RBFOX1: variants seen among roughly 807,000 people sequenced by gnomAD.
The protein encoded by RBFOX1 is RNA binding fox-1 homolog 1, also known as RNA binding protein fox-1 homolog 1.
A neutral mutation model predicts 57.7 loss-of-function variants in RBFOX1; 8 were observed. The ratio of observed to expected loss-of-function variants is 0.14; its 90% CI spans 0.08 to 0.25. RBFOX1 has a LOEUF of 0.25. RBFOX1 is among the 10% of genes least tolerant of loss of function. The pLI, the probability that RBFOX1 is intolerant of heterozygous loss-of-function variation, is 1.00. For missense variants in RBFOX1, 611 were observed against 548.5 expected, an observed-to-expected ratio of 1.11 and a Z score of -1.14; for synonymous variants, 326 against 222.4, an observed-to-expected ratio of 1.47 and a Z score of -4.15.
chr16:7,522,351 A>T (rs1434964810), intron 5 of RBFOX1, among the ~76,000 whole-genome samples: 3 of 152,218 alleles, frequency 2.0e-5, no homozygotes, highest in African/African-American at 2.4e-5. Context: ...TGAGTAAGAC[A>T]TCAATGGGAT....
At chr16:5,322,773 G>T (rs767075693) in intron 1 of RBFOX1, among the ~76,000 whole-genome samples, 11 of 152,162 alleles carry the variant, frequency 7.2e-5, no homozygotes, top group African/African-American at 2.2e-4. Context: ...GTGAAAAATA[G>T]AAGGTTTCAG....
intron 2 of RBFOX1, among the ~76,000 whole-genome samples, chr16:6,641,734 CAAAAAAAAAAAAAAAAAAAAAAA>C (rs869202831): frequency 0.014 from 966 of 68,810 alleles, 30 homozygotes; most frequent in African/African-American, 0.058. Flanking sequence ...GACTCCGTCT[CAAAAAAAAAAAAAAAAAAAAAAA>C]AAAAAAAAAA....
chr16:5,523,001 G>A (rs1436410080), intron 2 of RBFOX1, among the ~76,000 whole-genome samples: 1 of 152,110 alleles, frequency 6.6e-6, no homozygotes, highest in Non-Finnish European at 1.5e-5. Context: ...CAAAATCATG[G>A]TGGGGGCTGG....
intron 1 of RBFOX1, among the ~76,000 whole-genome samples, chr16:6,284,768 T>C (rs757804353): frequency 1.1e-4 from 17 of 152,160 alleles, no homozygotes; most frequent in Non-Finnish European, 2.2e-4. Flanking sequence ...TTCTCAGTCA[T>C]TGGTATTCAG....
At chr16:6,994,588 A>G (rs1232904798) in intron 3 of RBFOX1, among the ~76,000 whole-genome samples, 2 of 152,204 alleles carry the variant, frequency 1.3e-5, no homozygotes, top group Non-Finnish European at 2.9e-5. Flanking sequence ...GTCCAGCACC[A>G]GGAAGAATGA....
At chr16:7,275,391 T>C (rs989114921) in intron 4 of RBFOX1, among the ~76,000 whole-genome samples, 45 of 152,248 alleles carry the variant, frequency 3.0e-4, no homozygotes, top group African/African-American at 1.0e-3. Flanking sequence ...TGATACTTCA[T>C]CATTCATTCA....
At chr16:6,030,348 C>T (rs1486393591) in intron 1 of RBFOX1, among the ~76,000 whole-genome samples, 2 of 152,176 alleles carry the variant, frequency 1.3e-5, no homozygotes, top group African/African-American at 2.4e-5. Flanking sequence ...AGTGGAATAC[C>T]TGTCCATGTT....
At chr16:7,191,775 T>C (rs896470549) in intron 4 of RBFOX1, among the ~76,000 whole-genome samples, 2 of 152,194 alleles carry the variant, frequency 1.3e-5, no homozygotes, top group African/African-American at 2.4e-5. Context: ...TATGAAGCCC[T>C]AAGAATTCTC....
chr16:7,705,098 C>T (rs139942517), intron 14 of RBFOX1, among the ~76,000 whole-genome samples: 2 of 150,216 alleles, frequency 1.3e-5, no homozygotes, highest in Non-Finnish European at 3.0e-5. Context: ...ATCTCTTCAT[C>T]TCTCTAGGGA....
At chr16:6,854,142 C>T (rs370631243) in intron 3 of RBFOX1, among the ~76,000 whole-genome samples, 6 of 152,124 alleles carry the variant, frequency 3.9e-5, no homozygotes, top group African/African-American at 1.2e-4. Context: ...AAAAGCAACT[C>T]AAAATATGAG....
chr16:5,813,457 A>C (rs1464095188), intron 3 of RBFOX1, among the ~76,000 whole-genome samples: 2 of 152,202 alleles, frequency 1.3e-5, no homozygotes, highest in Non-Finnish European at 2.9e-5. Flanking sequence ...CTATCTATAC[A>C]ATGGAATATG....
At chr16:7,501,571 T>C (rs1431885059) in intron 4 of RBFOX1, among the ~76,000 whole-genome samples, 3 of 152,246 alleles carry the variant, frequency 2.0e-5, no homozygotes, top group Admixed American at 1.3e-4. Context: ...TTATAGGTCC[T>C]ATGTCTCTGT....
chr16:7,333,516 C>T (rs766683613), intron 4 of RBFOX1, among the ~76,000 whole-genome samples: 97 of 152,136 alleles, frequency 6.4e-4, no homozygotes, highest in Admixed American at 1.3e-3. Flanking sequence ...TCATAGGACG[C>T]CTCCACACGG....
intron 3 of RBFOX1, among the ~76,000 whole-genome samples, chr16:6,770,070 C>G (rs1201703266): frequency 6.6e-6 from 1 of 152,062 alleles, no homozygotes; most frequent in Non-Finnish European, 1.5e-5. Flanking sequence ...GAAATCAGAG[C>G]TGGAGGCAAA....
chr16:6,219,132 G>T (rs2097355231), intron 1 of RBFOX1, among the ~76,000 whole-genome samples: 1 of 152,172 alleles, frequency 6.6e-6, no homozygotes, highest in Non-Finnish European at 1.5e-5. Flanking sequence ...TCTGTGGTTG[G>T]TGATTTTTTA....
chr16:6,874,607 A>C (rs1301673371), intron 3 of RBFOX1, among the ~76,000 whole-genome samples: 2 of 151,860 alleles, frequency 1.3e-5, no homozygotes, highest in African/African-American at 4.8e-5. Flanking sequence ...GTAACTCAGG[A>C]ATGGAAACCA....
At chr16:7,106,907 T>G (rs1393313106) in intron 4 of RBFOX1, among the ~76,000 whole-genome samples, 1 of 151,910 alleles carries the variant, frequency 6.6e-6, no homozygotes, top group Non-Finnish European at 1.5e-5. Context: ...TTCTTGGCAG[T>G]GGGCATGCAA....
chr16:6,608,457 T>C (rs1015907267), intron 2 of RBFOX1, among the ~76,000 whole-genome samples: 6 of 152,206 alleles, frequency 3.9e-5, no homozygotes, highest in Non-Finnish European at 1.5e-5. Flanking sequence ...CGTTTCCTGT[T>C]ACTATTTCCC....
At chr16:5,254,101 A>G (rs2062524544) in intron 1 of RBFOX1, among the ~76,000 whole-genome samples, 1 of 152,142 alleles carries the variant, frequency 6.6e-6, no homozygotes, top group African/African-American at 2.4e-5. Context: ...TTGTGTCTCT[A>G]GTGTTTAGTA....
Sources: gnomAD v4.1 joint callset for allele counts (sites outside exome capture counted in the v4.1 genomes callset) on GRCh38, gnomAD v4.1.1 for gene constraint, MANE v1.5 for transcripts, NCBI Gene and HGNC (gene_info 2026-07-23, HGNC 2026-07-21) for gene names.